The following KDM7A variants were observed in gnomAD, a reference collection of about 807,000 sequenced individuals.
The protein encoded by KDM7A is lysine-specific demethylase 7A.
Under a neutral mutation model 114.8 loss-of-function variants are expected in KDM7A, and 28 were observed. The ratio of observed to expected loss-of-function variants is 0.24; its 90% CI spans 0.18 to 0.33. KDM7A has a LOEUF of 0.33. KDM7A is among the 10% of genes least tolerant of loss of function. KDM7A has a pLI of 1.00. For synonymous variants in KDM7A, 423 were observed against 397.8 expected, an observed-to-expected ratio of 1.06 and a Z score of -0.75; for missense variants, 942 against 1,142.5, an observed-to-expected ratio of 0.82 and a Z score of 2.53.
intron 1 of KDM7A, among the ~76,000 whole-genome samples, chr7:140,151,424 C>T (rs1794398821): frequency 6.6e-6 from 1 of 152,138 alleles, no homozygotes. Flanking sequence ...ATGCCAAGAA[C>T]ATCAGGGAGA....
At chr7:140,155,051 G>A (rs577255866) in intron 1 of KDM7A, among the ~76,000 whole-genome samples, 27 of 152,170 alleles carry the variant, frequency 1.8e-4, no homozygotes, top group Admixed American at 1.3e-3. Flanking sequence ...AACAAAGCAC[G>A]TTAATGAATA....
chr7:140,169,951 A>G (rs1279808367), intron 1 of KDM7A, among the ~76,000 whole-genome samples: 1 of 152,266 alleles, frequency 6.6e-6, no homozygotes. Flanking sequence ...TAAAACTCTT[A>G]TAAGTGAAAC....
intron 12 of KDM7A, among the ~76,000 whole-genome samples, chr7:140,100,693 T>C (rs957777167): frequency 5.6e-5 from 2 of 35,802 alleles, no homozygotes; most frequent in African/African-American, 1.0e-4. Context: ...TATATACATA[T>C]ATATATATAT....
chr7:140,096,432 C>A, intron 17 of KDM7A, 123 bp downstream of exon 17: 1 of 768,820 alleles, frequency 1.3e-6, no homozygotes, highest in African/African-American at 1.7e-5. Flanking sequence ...TTTGGTCAAC[C>A]TTCTTAACAC....
chr7:140,118,393 T>C (rs2116786895), intron 9 of KDM7A, among the ~76,000 whole-genome samples: 1 of 152,262 alleles, frequency 6.6e-6, no homozygotes, highest in East Asian at 1.9e-4. Flanking sequence ...AAAGGTTTTT[T>C]TTCTTCAACT....
At chr7:140,107,158 A>G (rs1365503687) in intron 11 of KDM7A, among the ~76,000 whole-genome samples, 2 of 152,192 alleles carry the variant, frequency 1.3e-5, no homozygotes, top group African/African-American at 2.4e-5. Flanking sequence ...TTTTGAGCCT[A>G]TGTGTGTCTC....
chr7:140,126,347 AG>A (rs1818701821), intron 6 of KDM7A, among the ~76,000 whole-genome samples: 1 of 152,100 alleles, frequency 6.6e-6, no homozygotes, highest in African/African-American at 2.4e-5. Context: ...ATAATTAACT[AG>A]GGGAAAAAAA....
At chr7:140,173,683 G>C (rs1418122373) in intron 1 of KDM7A, among the ~76,000 whole-genome samples, 2 of 151,984 alleles carry the variant, frequency 1.3e-5, no homozygotes, top group Admixed American at 1.3e-4. Context: ...ATCTAAGCAT[G>C]GTAAAGATAC....
intron 2 of KDM7A, among the ~76,000 whole-genome samples, chr7:140,135,637 T>A (rs1044734285): frequency 6.6e-6 from 1 of 152,216 alleles, no homozygotes; most frequent in African/African-American, 2.4e-5. Flanking sequence ...CATATTATAA[T>A]CATTTTTTGA....
chr7:140,110,834 CTG>C, intron 11 of KDM7A, among the ~76,000 whole-genome samples: 1 of 152,222 alleles, frequency 6.6e-6, no homozygotes, highest in Non-Finnish European at 1.5e-5. Flanking sequence ...TGTTTATACT[CTG>C]TATTTTTGAT....
intron 12 of KDM7A, among the ~76,000 whole-genome samples, chr7:140,100,675 T>TATACAC (rs1554395389): frequency 1.6e-4 from 7 of 44,246 alleles, no homozygotes; most frequent in African/African-American, 5.0e-4. Flanking sequence ...TATATATATA[T>TATACAC]ATATACATAT....
At chr7:140,135,549 ATCTT>A (rs940492707) in intron 2 of KDM7A, among the ~76,000 whole-genome samples, 44 of 152,306 alleles carry the variant, frequency 2.9e-4, no homozygotes, top group African/African-American at 9.6e-4. Context: ...TATCCTGCTT[ATCTT>A]TCTTATTATA....
chr7:140,139,329 A>G (rs1794229950), intron 1 of KDM7A, 139 bp from the exon 2 acceptor site: 1 of 592,328 alleles, frequency 1.7e-6, no homozygotes. Flanking sequence ...AACACATATA[A>G]AGATAAATTT....
chr7:140,137,151 A>G (rs938027127), intron 2 of KDM7A, among the ~76,000 whole-genome samples: 1 of 152,146 alleles, frequency 6.6e-6, no homozygotes, highest in Non-Finnish European at 1.5e-5. Flanking sequence ...TTTTCCCTGT[A>G]AGTACACAGA....
Position 140,126,792 on chromosome 7 carries a change from C to T in KDM7A, c.733G>A (p.Ala245Thr), listed in dbSNP as rs769202245. The change falls in exon 6 of 20, where the codon GCC (alanine) becomes ACC (threonine). Residue 245 changes from alanine to threonine, a missense_variant. Ala to Thr is a moderately conservative substitution (Grantham distance 58). This residue lies in a region of KDM7A where 318 missense variants were observed against 453.1 expected (regional missense o/e 0.70). Coordinates refer to ENST00000397560, the MANE Select transcript of KDM7A (RefSeq NM_030647.2). ...MSELVEVPDI[A>T]KKLSWVENYW... ...TTTTCCACCCAGGAAAGTTTTTTGG[C>T]TATATCAGGGACCTCCACCAATTCA... 3.1e-6 allele frequency: 5 copies of T among 1,613,882 alleles called. No individual in the cohort carries two copies. The East Asian group carries it at 1.1e-4, about 36-fold the overall frequency.
intron 9 of KDM7A, among the ~76,000 whole-genome samples, chr7:140,115,827 A>T (rs909941444): frequency 1.9e-4 from 29 of 150,024 alleles, no homozygotes; most frequent in Non-Finnish European, 2.7e-4. Context: ...TAAATAAAAA[A>T]AAATAAAACA....
At chr7:140,099,203 T>A (rs1296391464) in intron 13 of KDM7A, among the ~76,000 whole-genome samples, 170 bp from the exon 14 acceptor site, 1 of 152,140 alleles carries the variant, frequency 6.6e-6, no homozygotes, top group Non-Finnish European at 1.5e-5. Flanking sequence ...GTTTTTTGTT[T>A]TTGTTTTTTG....
rs557760429 is a variant in KDM7A at position 140,108,332 on chromosome 7, G to A, written c.1428+2763C>T. ...TTCGTTCCGTTGCTGACGAGAAGCT[G>A]CGTTCCTCTGGAGGGGAAGAGGCAC... On this transcript the variant is annotated intron_variant, in intron 11 of 19. Coordinates refer to ENST00000397560, the MANE Select transcript of KDM7A (RefSeq NM_030647.2). Among the ~76,000 whole-genome samples, 8 of 152,294 alleles carry A rather than the reference G, an allele frequency of 5.3e-5. No homozygotes were observed. The South Asian group carries it at 1.4e-3, about 28-fold the overall frequency.
rs918916608 is a variant in KDM7A at position 140,175,741 on chromosome 7, G to T, written c.194+1003C>A. Among the ~76,000 whole-genome samples the T allele has an allele frequency of 1.3e-4, 20 of 151,996 alleles. 1 individual carries two copies. The highest frequency in any genetic ancestry group is 2.1e-4 in the Non-Finnish European group (14 of 67,936). ...ACGTCAAACCCGGAGCGCGGCGGCG[G>T]CTGAATCAGAGGGCAGCGTCCGCCG... On this transcript the variant is annotated intron_variant, in intron 1 of 19. Coordinates refer to ENST00000397560, the MANE Select transcript of KDM7A (RefSeq NM_030647.2).
Sources: allele counts gnomAD v4.1 joint callset (sites outside exome capture counted in the v4.1 genomes callset), GRCh38; gene constraint gnomAD v4.1.1; regional missense constraint gnomAD v4.1.1; transcripts MANE v1.5; gene names NCBI Gene and HGNC (gene_info 2026-07-23, HGNC 2026-07-21).